Variants in CMKLR1 observed in about 807,000 individuals in gnomAD.
CMKLR1 encodes chemerin chemokine-like receptor 1.
In CMKLR1, 6 loss-of-function variants were observed where a neutral mutation model predicts 8.2. The observed-to-expected ratio is 0.73, with a 90% CI of 0.40 to 1.44. The LOEUF (loss-of-function observed/expected upper bound fraction) is 1.44. Ranked by LOEUF, CMKLR1 falls within the 40% of genes most tolerant of loss-of-function variation. CMKLR1 has a pLI of 0.02. For synonymous variants in CMKLR1, 178 were observed against 181.2 expected (o/e 0.98, Z 0.14); for missense variants, 429 against 478.0 (o/e 0.90, Z 0.96).
intron 3 of CMKLR1, 81 bp from the exon 4 acceptor site, chr12:108,293,040 G>A (rs1169123372): frequency 1.4e-5 from 19 of 1,321,928 alleles, no homozygotes; most frequent in Non-Finnish European, 2.0e-5. Context: ...GACCAACAAT[G>A]TTCCCCCTGA....
At chr12:108,303,581 A>G (rs1891332705) in intron 2 of CMKLR1, among the ~76,000 whole-genome samples, 1 of 152,206 alleles carries the variant, frequency 6.6e-6, no homozygotes, top group Non-Finnish European at 1.5e-5. Flanking sequence ...GCTCAGAGAC[A>G]GGCTTCAAGC....
Position 108,336,316 on chromosome 12 carries a change from G to A in CMKLR1, c.-287+2711C>T, listed in dbSNP as rs1420183682. Among the ~76,000 whole-genome samples the A allele has an allele frequency of 2.6e-5, 4 of 152,182 alleles. No individual in the cohort carries two copies. The South Asian group carries it at 6.2e-4, about 24-fold the overall frequency. On this transcript the variant is annotated intron_variant, in intron 1 of 3. Coordinates refer to ENST00000550402, the MANE Select transcript of CMKLR1 (RefSeq NM_001142343.2). Reference sequence around the variant, plus strand: ...AATCCCAGCACTTTTGGAGGCCGAGGTGGGTGGATCACAAGGTCAGGAGAT... The same window carrying A: ...AATCCCAGCACTTTTGGAGGCCGAGATGGGTGGATCACAAGGTCAGGAGAT...
chr12:108,311,682 G>T (rs192383235), intron 2 of CMKLR1, among the ~76,000 whole-genome samples: 1 of 152,200 alleles, frequency 6.6e-6, no homozygotes, highest in Non-Finnish European at 1.5e-5. Context: ...CAGCATAGAG[G>T]GGGAGAGCTG....
intron 2 of CMKLR1, among the ~76,000 whole-genome samples, chr12:108,327,871 G>A (rs1892017755): frequency 6.6e-6 from 1 of 152,192 alleles, no homozygotes; most frequent in South Asian, 2.1e-4. Context: ...GGTGGGACGG[G>A]GCTGAGAAAG....
intron 1 of CMKLR1, among the ~76,000 whole-genome samples, chr12:108,336,798 G>A (rs1892236542): frequency 1.3e-5 from 2 of 152,202 alleles, no homozygotes; most frequent in Non-Finnish European, 2.9e-5. Context: ...CACAGGTATA[G>A]ACAGGCACAG....
intron 2 of CMKLR1, among the ~76,000 whole-genome samples, chr12:108,300,941 G>A (rs1170006131): frequency 6.6e-6 from 1 of 152,156 alleles, no homozygotes; most frequent in Non-Finnish European, 1.5e-5. Flanking sequence ...TTTCAGACAG[G>A]GAGGGACACA....
In CMKLR1 at chr12:108,330,187, C is replaced by T. The variant is rs1445434812; in HGVS notation, c.-266G>A. On this transcript the variant is annotated 5_prime_UTR_variant, in exon 2 of 4. Coordinates refer to ENST00000550402, the MANE Select transcript of CMKLR1 (RefSeq NM_001142343.2). The stretch of plus-strand genomic sequence containing the variant: ...GAGCCTCCTGGTAGAAAAATCCAAG[C>T]AGTTCTGCTGGAGAGATGGGCTACA... 1 of 152,154 alleles carries T rather than the reference C, an allele frequency of 6.6e-6. No individual in the cohort carries two copies. Among genetic ancestry groups the T allele is most frequent in the Non-Finnish European group, 1.5e-5 (1 of 68,066 alleles). 9.4% of individuals were successfully genotyped at this position (152,154 alleles called of 1,614,324 possible). A position where few individuals can be genotyped will look rare whatever the true frequency, so the allele number is the denominator to read the frequency against.
chr12:108,313,090 G>A (rs929829017), intron 2 of CMKLR1, among the ~76,000 whole-genome samples: 1 of 152,100 alleles, frequency 6.6e-6, no homozygotes, highest in African/African-American at 2.4e-5. Context: ...AAATGGACTG[G>A]CACCACTGCC....
rs1891972747 is a variant in CMKLR1 at position 108,325,900 on chromosome 12, G to A, written c.-74+4095C>T. Among the ~76,000 whole-genome samples the A allele has an allele frequency of 5.0e-5, 3 of 59,642 alleles. No homozygotes were observed. In the Admixed American group the frequency reaches 7.3e-4, roughly 14 times the overall value. 39.1% of individuals were successfully genotyped at this position (59,642 alleles called of 152,430 possible). On this transcript the variant is annotated intron_variant, in intron 2 of 3. Transcript: ENST00000550402. ...CAGTTTTACCAGTTCTGCAGAAAGT[G>A]CAAGGACCCCAGGCTCCTCATCCAG...
intron 2 of CMKLR1, among the ~76,000 whole-genome samples, chr12:108,313,561 G>A (rs777694856): frequency 1.3e-5 from 2 of 152,200 alleles, no homozygotes; most frequent in Non-Finnish European, 2.9e-5. Flanking sequence ...GATCATATAC[G>A]TAGGGTGCAT....
rs952339103 is a variant in CMKLR1, at chr12:108,290,011, C to T, written c.*1830G>A. The T allele has an allele frequency of 3.9e-5, 6 of 152,258 alleles. No homozygotes were observed. Among genetic ancestry groups the T allele is most frequent in the Admixed American group, 6.5e-5 (1 of 15,290 alleles). The allele number at this position is 152,258 out of a possible 1,614,324, so 9.4% of individuals were successfully genotyped here. ...GCCTCAGGCCCACAAGGGACTGCCT[C>T]CTGCCAGCTTTCCCTCCCCATTGCC... is the stretch of plus-strand genomic sequence containing the variant. On this transcript the variant is annotated 3_prime_UTR_variant, in exon 4 of 4. Transcript: ENST00000550402.
At chr12:108,310,412 A>G (rs1447794549) in intron 2 of CMKLR1, among the ~76,000 whole-genome samples, 1 of 152,156 alleles carries the variant, frequency 6.6e-6, no homozygotes. Flanking sequence ...AGGCAGGAGA[A>G]TAGCAAGAGG....
chr12:108,311,085 C>T (rs1014172441), intron 2 of CMKLR1, among the ~76,000 whole-genome samples: 2 of 152,148 alleles, frequency 1.3e-5, no homozygotes, highest in African/African-American at 2.4e-5. Context: ...GCTGCTATGC[C>T]TTCAATTCCA....
chr12:108,325,849 G>A (rs966908326), intron 2 of CMKLR1, among the ~76,000 whole-genome samples: 3 of 152,238 alleles, frequency 2.0e-5, no homozygotes, highest in African/African-American at 7.2e-5. Flanking sequence ...CCCTGAACAA[G>A]GAGGGGAGGA....
rs78943618 is a variant in CMKLR1 at position 108,290,745 on chromosome 12, G to A, written c.*1096C>T. The stretch of plus-strand genomic sequence containing the variant: ...TTGGTGTCTGCAGCTCAGAAACACA[G>A]TTCAAGGAGTCCAGCTCCAGACTCT... On this transcript the variant is annotated 3_prime_UTR_variant, in exon 4 of 4. Transcript: ENST00000550402. 14,923 of 152,070 alleles carry A rather than the reference G, an allele frequency of 0.098. 892 individuals carry two copies. Among genetic ancestry groups the A allele is most frequent in the African/African-American group, 0.17 (6,926 of 41,488 alleles). 9.4% of individuals were successfully genotyped at this position (152,070 alleles called of 1,614,324 possible). A position where few individuals can be genotyped will look rare whatever the true frequency, so the allele number is the denominator to read the frequency against.
chr12:108,327,955 A>G (rs1012670356), intron 2 of CMKLR1, among the ~76,000 whole-genome samples: 2 of 152,090 alleles, frequency 1.3e-5, no homozygotes, highest in Non-Finnish European at 2.9e-5. Flanking sequence ...CTCCCGGGAG[A>G]CCTGTCAGAA....
At chr12:108,327,384 G>A (rs1252267602) in intron 2 of CMKLR1, among the ~76,000 whole-genome samples, 1 of 152,194 alleles carries the variant, frequency 6.6e-6, no homozygotes, top group Non-Finnish European at 1.5e-5. Flanking sequence ...GGAGGCTGAA[G>A]CGGGAGGATG....
chr12:108,320,484 C>A (rs1327890416), intron 2 of CMKLR1: 1 of 152,202 alleles, frequency 6.6e-6, no homozygotes, highest in African/African-American at 2.4e-5. Context: ...TACCTCTCCC[C>A]CACATTTAGA....
At chr12:108,334,349 C>T (rs948551464) in intron 1 of CMKLR1, among the ~76,000 whole-genome samples, 34 of 152,258 alleles carry the variant, frequency 2.2e-4, no homozygotes, top group Admixed American at 6.5e-4. Context: ...TGCATTTATT[C>T]ACACAGGAAA....
Sources: gnomAD v4.1 joint callset for allele counts (sites outside exome capture counted in the v4.1 genomes callset) on GRCh38, gnomAD v4.1.1 for gene constraint, MANE v1.5 for transcripts, NCBI Gene and HGNC (gene_info 2026-07-23, HGNC 2026-07-21) for gene names.